Variants in KIF14 observed in about 807,000 individuals in gnomAD.
KIF14 encodes kinesin family member 14.
A neutral mutation model predicts 176.2 loss-of-function variants in KIF14; 98 were observed. The observed-to-expected ratio is 0.56, with a 90% CI of 0.47 to 0.66. KIF14 has a LOEUF of 0.66. Ranked by LOEUF, KIF14 falls within the 30% of genes least tolerant of loss-of-function variation. The pLI, the probability that KIF14 is intolerant of heterozygous loss-of-function variation, is 0.00. For synonymous variants in KIF14, 566 were observed against 632.2 expected, an observed-to-expected ratio of 0.90 and a Z score of 1.57; for missense variants, 1,751 against 1,920.4, an observed-to-expected ratio of 0.91 and a Z score of 1.65.
At chr1:200,568,164 C>A (rs1176167671) in intron 23 of KIF14, among the ~76,000 whole-genome samples, 1 of 152,164 alleles carries the variant, frequency 6.6e-6, no homozygotes, top group Admixed American at 6.5e-5. Flanking sequence ...TCACAGCTGC[C>A]CAGACGGGGT....
intron 18 of KIF14, among the ~76,000 whole-genome samples, 184 bp from the exon 19 acceptor site, chr1:200,586,411 T>C (rs1227024625): frequency 6.6e-6 from 1 of 152,078 alleles, no homozygotes; most frequent in Non-Finnish European, 1.5e-5. Context: ...AAAAACAGAT[T>C]GATAATGATA....
chr1:200,591,731 G>C (rs1659063251), intron 16 of KIF14, among the ~76,000 whole-genome samples: 1 of 152,118 alleles, frequency 6.6e-6, no homozygotes, highest in Admixed American at 6.5e-5. Flanking sequence ...TAACCGGTCA[G>C]GGCCAGGTGT....
chr1:200,600,454 C>T lies in KIF14; in HGVS notation c.2202G>A (p.Arg734=), dbSNP rs761228847. The part of the protein sequence containing the change: ...AKLKAAQRNS[R]NIDPERYRLC... ...GCCTGTATCGTTCAGGGTCAATATT[C>T]CGACTGTTTCTCTGAGCAGCTTTTA... Residue 734 remains arginine, a synonymous_variant, in exon 12 of 30, where the codon CGG becomes CGA. Transcript: ENST00000367350. The T allele has an allele frequency of 6.2e-7, 1 of 1,613,758 alleles. No homozygotes were observed. The highest frequency in any genetic ancestry group is 1.1e-5 in the South Asian group (1 of 91,062).
intron 25 of KIF14, among the ~76,000 whole-genome samples, chr1:200,563,343 T>C (rs962747389): frequency 6.6e-6 from 1 of 152,120 alleles, no homozygotes; most frequent in Non-Finnish European, 1.5e-5. Flanking sequence ...CCTCTTAGTA[T>C]TTTCTTTTTT....
At chr1:200,591,270 C>G (rs1311916116) in intron 16 of KIF14, among the ~76,000 whole-genome samples, 1 of 152,102 alleles carries the variant, frequency 6.6e-6, no homozygotes, top group Non-Finnish European at 1.5e-5. Context: ...CTTTAGTCAC[C>G]AGGCCTTGTC....
At position 200,554,481 on chromosome 1, in the gene KIF14, A is replaced by C; in HGVS notation, c.4554T>G (p.Ile1518Met). ...HCLEKAIEII[I>M]SALKGCHSDI... ...GGAGAATCATACCTTTCAGTGCAGA[A>C]ATAATAATTTCAATAGCTTTCTCTA... is the stretch of plus-strand genomic sequence containing the variant. Residue 1518 changes from isoleucine (I) to methionine (M), a missense_variant, in exon 29 of 30, where the codon ATT becomes ATG. Ile to Met is a conservative substitution (Grantham distance 10, BLOSUM62 1). Transcript: ENST00000367350. The C allele has an allele frequency of 6.5e-7, 1 of 1,532,468 alleles. No individual in the cohort carries two copies. 94.9% of individuals were successfully genotyped at this position (1,532,468 alleles called of 1,614,324 possible).
At chr1:200,611,660 T>C (rs532284287) in intron 4 of KIF14, among the ~76,000 whole-genome samples, 1 of 152,276 alleles carries the variant, frequency 6.6e-6, no homozygotes, top group South Asian at 2.1e-4. Flanking sequence ...AGGTCCTACT[T>C]TTTTCTTCTC....
chr1:200,559,294 T>G, intron 27 of KIF14, 36 bp downstream of exon 27: 2 of 1,338,972 alleles, frequency 1.5e-6, no homozygotes, highest in Non-Finnish European at 2.0e-6. Flanking sequence ...TATATATTAT[T>G]TAGTACTGTA....
chr1:200,587,136 G>A (rs1025545746), intron 18 of KIF14, among the ~76,000 whole-genome samples: 2 of 152,036 alleles, frequency 1.3e-5, no homozygotes, highest in Non-Finnish European at 2.9e-5. Flanking sequence ...TAAGGAGCGT[G>A]CAACCTAAAT....
At chr1:200,572,580 T>C (rs1446084365) in intron 22 of KIF14, among the ~76,000 whole-genome samples, 1 of 152,208 alleles carries the variant, frequency 6.6e-6, no homozygotes, top group Non-Finnish European at 1.5e-5. Context: ...CCTGACCTTG[T>C]GATCCGCCCA....
In KIF14 at chr1:200,565,088, T is replaced by C; in HGVS notation, c.4052A>G (p.Tyr1351Cys). ...LRQEVKKLGGYLQLFLQGCCL... is the reference protein window; with the variant it reads ...LRQEVKKLGGCLQLFLQGCCL... ...ATTTACCTGCAAAAATAACTGTAAG[T>C]AGCCTCCCAGTTTTTTAACTTCTTG... The change falls in exon 25 of 30, where the codon TAC becomes TGC. Residue 1351 changes from tyrosine (Y) to cysteine (C), a missense_variant. Transcript: ENST00000367350. The C allele has an allele frequency of 6.2e-7, 1 of 1,609,042 alleles. No individual in the cohort carries two copies. The highest frequency in any genetic ancestry group is 8.5e-7 in the Non-Finnish European group (1 of 1,178,022).
intron 8 of KIF14, 49 bp downstream of exon 8, chr1:200,605,234 A>G (rs1558085332): frequency 6.6e-6 from 10 of 1,510,980 alleles, no homozygotes; most frequent in Non-Finnish European, 8.2e-6. Context: ...GGTCTGGGTT[A>G]TCACCAGGGT....
At chr1:200,570,970 C>A (rs1477597867) in intron 22 of KIF14, among the ~76,000 whole-genome samples, 1 of 152,074 alleles carries the variant, frequency 6.6e-6, no homozygotes, top group African/African-American at 2.4e-5. Flanking sequence ...TCCATGTGTA[C>A]TCAATGTTTC....
intron 14 of KIF14, among the ~76,000 whole-genome samples, chr1:200,594,212 G>A (rs1450599291): frequency 1.3e-5 from 2 of 151,744 alleles, no homozygotes; most frequent in Non-Finnish European, 2.9e-5. Context: ...TGGGATTACA[G>A]GCATGAGCCA....
At chr1:200,555,326 A>T in intron 28 of KIF14, 54 bp downstream of exon 28, 1 of 1,117,398 alleles carries the variant, frequency 8.9e-7, no homozygotes, top group Non-Finnish European at 1.3e-6. Flanking sequence ...CATTTGAACC[A>T]AGTGAAATGA....
chr1:200,617,483 CT>C, intron 2 of KIF14, 128 bp downstream of exon 2: 1 of 849,934 alleles, frequency 1.2e-6, no homozygotes, highest in Non-Finnish European at 1.8e-6. Context: ...CCTAAAAGTT[CT>C]TTCTATATAA....
intron 27 of KIF14, 121 bp downstream of exon 27, chr1:200,559,209 G>C (rs553917695): frequency 5.1e-6 from 3 of 585,704 alleles, no homozygotes; most frequent in South Asian, 7.7e-5. Context: ...AGCCTCTTCA[G>C]TGAAAAATAA....
At chr1:200,581,115 G>GAAAA (rs368717102) in intron 20 of KIF14, 86 bp downstream of exon 20, 12,787 of 289,046 alleles carry the variant, frequency 0.044, 14 homozygotes, top group South Asian at 0.058. Context: ...CTCTGTCTCA[G>GAAAA]AAAAAAAAAA....
chr1:200,567,532 T>C (rs1320733191), intron 23 of KIF14, among the ~76,000 whole-genome samples: 1 of 127,792 alleles, frequency 7.8e-6, no homozygotes, highest in African/African-American at 2.9e-5. Context: ...AGACTCCGTC[T>C]AAAAAAAAAA....
Sources: allele counts gnomAD v4.1 joint callset (sites outside exome capture counted in the v4.1 genomes callset), GRCh38; gene constraint gnomAD v4.1.1; transcripts MANE v1.5; gene names NCBI Gene and HGNC (gene_info 2026-07-23, HGNC 2026-07-21).